NT5C3A: variants seen among roughly 807,000 people sequenced by gnomAD.
The protein encoded by NT5C3A is 5'-nucleotidase, cytosolic IIIA.
NT5C3A carries 23 observed loss-of-function variants against 40.0 expected under a neutral mutation model. That is an observed-to-expected ratio of 0.58 (90% confidence interval 0.41 to 0.81). NT5C3A has a LOEUF of 0.81. Ranked by LOEUF, NT5C3A falls within the 40% of genes least tolerant of loss-of-function variation. The pLI, the probability that NT5C3A is intolerant of heterozygous loss-of-function variation, is 0.00. For synonymous variants in NT5C3A, 130 were observed against 141.4 expected, an observed-to-expected ratio of 0.92 and a Z score of 0.57; for missense variants, 328 against 403.0, an observed-to-expected ratio of 0.81 and a Z score of 1.59.
At chr7:33,026,639 G>A (rs1270951377) in intron 2 of NT5C3A, among the ~76,000 whole-genome samples, 178 bp downstream of exon 2, 1 of 151,494 alleles carries the variant, frequency 6.6e-6, no homozygotes, top group Non-Finnish European at 1.5e-5. Context: ...TTACAGGTGT[G>A]AGCCACTATG....
chr7:33,060,037 G>A (rs761639054), intron 1 of NT5C3A, among the ~76,000 whole-genome samples: 1 of 152,022 alleles, frequency 6.6e-6, no homozygotes, highest in Non-Finnish European at 1.5e-5. Flanking sequence ...CTGCAGCCTC[G>A]ACCACCTTGA....
chr7:33,032,855 T>C (rs555613546), intron 1 of NT5C3A, among the ~76,000 whole-genome samples: 17 of 152,252 alleles, frequency 1.1e-4, no homozygotes, highest in African/African-American at 3.6e-4. Context: ...CTGGGCTCAA[T>C]AGATCCTCCC....
At chr7:33,053,926 T>C (rs1787469424) in intron 1 of NT5C3A, among the ~76,000 whole-genome samples, 2 of 152,168 alleles carry the variant, frequency 1.3e-5, no homozygotes. Context: ...GTGGTTAACT[T>C]GTGGCATATG....
chr7:33,061,067 G>A (rs1787755770), intron 1 of NT5C3A, among the ~76,000 whole-genome samples: 1 of 152,164 alleles, frequency 6.6e-6, no homozygotes, highest in Non-Finnish European at 1.5e-5. Flanking sequence ...AGGATTTTGT[G>A]AACACACTGA....
chr7:33,031,817 A>G (rs1786275750), intron 1 of NT5C3A, among the ~76,000 whole-genome samples: 1 of 151,878 alleles, frequency 6.6e-6, no homozygotes, highest in South Asian at 2.1e-4. Context: ...AGTTTCATTT[A>G]TTTATTATTT....
At chr7:33,056,563 T>C (rs1787581315) in intron 1 of NT5C3A, among the ~76,000 whole-genome samples, 1 of 146,064 alleles carries the variant, frequency 6.8e-6, no homozygotes, top group South Asian at 2.2e-4. Flanking sequence ...TCCCAGCTAC[T>C]TGGGAGGCTG....
At chr7:33,047,281 A>T (rs1787193700) in intron 1 of NT5C3A, among the ~76,000 whole-genome samples, 1 of 152,202 alleles carries the variant, frequency 6.6e-6, no homozygotes, top group Admixed American at 6.5e-5. Context: ...TTATTGGTGC[A>T]CTATATCGAG....
chr7:33,025,904 G>C (rs570900327), intron 2 of NT5C3A, among the ~76,000 whole-genome samples: 1 of 152,242 alleles, frequency 6.6e-6, no homozygotes, highest in East Asian at 1.9e-4. Flanking sequence ...ATAAAATAAG[G>C]CTGGGCCATG....
intron 1 of NT5C3A, among the ~76,000 whole-genome samples, chr7:33,041,744 A>G (rs72555723): frequency 6.7e-6 from 1 of 150,206 alleles, no homozygotes. Context: ...AGAAAAAAAA[A>G]TTTTTTTTTT....
intron 1 of NT5C3A, among the ~76,000 whole-genome samples, chr7:33,028,330 A>G (rs565471811): frequency 3.2e-4 from 49 of 152,326 alleles, no homozygotes; most frequent in Admixed American, 2.1e-3. Context: ...TCAACAATTT[A>G]ATCTTAAGTA....
intron 1 of NT5C3A, among the ~76,000 whole-genome samples, chr7:33,059,490 T>C (rs923465972): frequency 1.2e-4 from 18 of 152,236 alleles, no homozygotes; most frequent in African/African-American, 4.1e-4. Context: ...AGTTACCTGA[T>C]AATCTTAAAG....
At position 33,029,430 on chromosome 7, in the gene NT5C3A, A is replaced by G; in HGVS notation, c.139-2515T>C. 4 of 347,920 alleles carry G rather than the reference A, an allele frequency of 1.1e-5. 1 individual carries two copies. Among genetic ancestry groups the G allele is most frequent in the South Asian group, 9.0e-5 (4 of 44,564 alleles). 21.6% of individuals were successfully genotyped at this position (347,920 alleles called of 1,614,324 possible). On this transcript the variant is annotated intron_variant, in intron 1 of 8. Transcript: ENST00000610140. ...TCACTTCTGTAACTCCCTTACAAATACCTCAGCTAGTAAGTTTATCTCTTG... is the reference window on the plus strand; with the variant it reads ...TCACTTCTGTAACTCCCTTACAAATGCCTCAGCTAGTAAGTTTATCTCTTG...
chr7:33,035,062 G>A (rs1786512895), intron 1 of NT5C3A, among the ~76,000 whole-genome samples: 1 of 152,006 alleles, frequency 6.6e-6, no homozygotes. Context: ...TGCTTAATCT[G>A]GGGTTACTAG....
chr7:33,057,062 C>G (rs1344672008), intron 1 of NT5C3A, among the ~76,000 whole-genome samples: 3 of 152,160 alleles, frequency 2.0e-5, no homozygotes, highest in Non-Finnish European at 2.9e-5. Context: ...ATCCGCCCGC[C>G]TTGGCCTCCC....
intron 1 of NT5C3A, among the ~76,000 whole-genome samples, chr7:33,051,695 T>C (rs987318448): frequency 6.6e-6 from 1 of 152,196 alleles, no homozygotes; most frequent in African/African-American, 2.4e-5. Context: ...TTATTTTAAT[T>C]CCTGCTCCCC....
intron 1 of NT5C3A, among the ~76,000 whole-genome samples, chr7:33,032,076 G>C (rs1377231413): frequency 6.6e-6 from 1 of 151,758 alleles, no homozygotes; most frequent in African/African-American, 2.4e-5. Flanking sequence ...AGTGAGCCGA[G>C]ATGGCACCAC....
Position 33,052,058 on chromosome 7 carries a change from T to TTTTTG in NT5C3A, c.138+10505_138+10509dup, listed in dbSNP as rs140910294. Among the ~76,000 whole-genome samples, 28 of 152,188 alleles carry TTTTTG rather than the reference T, an allele frequency of 1.8e-4. 1 individual carries two copies. Among genetic ancestry groups the TTTTTG allele is most frequent in the Non-Finnish European group, 2.8e-4 (19 of 68,012 alleles). ...GTAAAACTAGAAACAGCTTCTAAAGTTTTTGTTTTGTTTTGTTTTGTTTTG... is the reference window on the plus strand; with the variant it reads ...GTAAAACTAGAAACAGCTTCTAAAGTTTTTGTTTTGTTTTGTTTTGTTTTGTTTTG... On this transcript the variant is annotated intron_variant, in intron 1 of 8. Coordinates refer to ENST00000610140, the MANE Select transcript of NT5C3A (RefSeq NM_001002010.5).
At chr7:33,021,784 C>T (rs945497632) in intron 4 of NT5C3A, 24 of 465,696 alleles carry the variant, frequency 5.2e-5, no homozygotes, top group Non-Finnish European at 7.3e-5. Flanking sequence ...CTCCAGTTAA[C>T]GTTACAACAC....
intron 4 of NT5C3A, 56 bp downstream of exon 4, chr7:33,021,997 C>T (rs553803030): frequency 9.9e-7 from 1 of 1,006,256 alleles, no homozygotes; most frequent in Non-Finnish European, 1.6e-6. Context: ...AAGAAATTCT[C>T]AGGCAAAAAG....
Sources: gnomAD v4.1 joint callset for allele counts (sites outside exome capture counted in the v4.1 genomes callset) on GRCh38, gnomAD v4.1.1 for gene constraint, MANE v1.5 for transcripts, NCBI Gene and HGNC (gene_info 2026-07-23, HGNC 2026-07-21) for gene names.